The following WWOX variants were observed in gnomAD, a reference collection of about 807,000 sequenced individuals.
WWOX encodes the protein WW domain containing oxidoreductase.
Under a neutral mutation model 46.2 loss-of-function variants are expected in WWOX, and 69 were observed. That is an observed-to-expected ratio of 1.49 (90% confidence interval 1.23 to 1.82). The LOEUF is 1.82. WWOX is among the 40% of genes most tolerant of loss of function. The pLI is 0.00. For missense variants in WWOX, 919 were observed against 542.6 expected (o/e 1.69, Z -6.89); for synonymous variants, 359 against 202.6 (o/e 1.77, Z -6.56).
At position 79,211,598 on chromosome 16, in the gene WWOX, G is replaced by A. The variant is rs981471566; in HGVS notation, c.1057-10G>A. The A allele has an allele frequency of 1.9e-6, 3 of 1,614,122 alleles. No homozygotes were observed. The highest frequency in any genetic ancestry group is 1.1e-5 in the South Asian group (1 of 91,066). On this transcript the variant is annotated splice_polypyrimidine_tract_variant and intron_variant, in intron 8 of 8. Coordinates refer to ENST00000566780, the MANE Select transcript of WWOX (RefSeq NM_016373.4). ...AAAATTTTTTTTTGTCTTTCTTCTT[G>A]GATTTCCAGCAACAGGGAGCTGCCA...
chr16:79,186,557 T>TTAAC lies in WWOX; in HGVS notation c.1057-25049_1057-25046dup, dbSNP rs538030455. ...TCCAGTCTGACTGCATCTTAACTGT[T>TTAAC]TAACTCTGTATTCCAATCTAATTAC... On this transcript the variant is annotated intron_variant, in intron 8 of 8. Coordinates refer to ENST00000566780, the MANE Select transcript of WWOX (RefSeq NM_016373.4). Among the ~76,000 whole-genome samples the TTAAC allele has an allele frequency of 5.4e-4, 82 of 152,340 alleles. 1 individual carries two copies. The highest frequency in any genetic ancestry group is 1.9e-3 in the African/African-American group (81 of 41,586).
intron 8 of WWOX, among the ~76,000 whole-genome samples, chr16:78,641,359 G>A (rs1210917084): frequency 6.6e-6 from 1 of 151,994 alleles, no homozygotes; most frequent in African/African-American, 2.4e-5. Flanking sequence ...AGCCTGGAAG[G>A]ACATACCCTT....
At chr16:78,311,800 T>G (rs2080250807) in intron 5 of WWOX, among the ~76,000 whole-genome samples, 1 of 151,918 alleles carries the variant, frequency 6.6e-6, no homozygotes, top group South Asian at 2.1e-4. Flanking sequence ...CGGGGGGGTA[T>G]TCATTTTTCT....
At chr16:78,696,338 G>T (rs983901225) in intron 8 of WWOX, among the ~76,000 whole-genome samples, 2 of 152,174 alleles carry the variant, frequency 1.3e-5, no homozygotes, top group Non-Finnish European at 2.9e-5. Context: ...TGAGTACCAG[G>T]CAGGGTCCTA....
intron 5 of WWOX, among the ~76,000 whole-genome samples, chr16:78,293,471 T>C (rs945831491): frequency 6.6e-6 from 1 of 152,170 alleles, no homozygotes; most frequent in African/African-American, 2.4e-5. Context: ...CTCCTGTATG[T>C]CGTCCCTCTT....
intron 5 of WWOX, among the ~76,000 whole-genome samples, chr16:78,308,319 C>T (rs766370053): frequency 1.3e-5 from 2 of 152,038 alleles, no homozygotes; most frequent in Non-Finnish European, 2.9e-5. Context: ...AAGGGGATTC[C>T]GAAATAAACC....
intron 5 of WWOX, among the ~76,000 whole-genome samples, chr16:78,221,707 T>A (rs2151798402): frequency 6.6e-6 from 1 of 152,340 alleles, no homozygotes; most frequent in East Asian, 1.9e-4. Flanking sequence ...AAATGCAAGA[T>A]GTAATACACA....
intron 8 of WWOX, among the ~76,000 whole-genome samples, chr16:78,447,403 G>T (rs528234980): frequency 6.6e-6 from 1 of 152,320 alleles, no homozygotes; most frequent in Admixed American, 6.5e-5. Context: ...TAAGAAAATT[G>T]TCTTCCTTTT....
chr16:78,677,849 A>G (rs993074880), intron 8 of WWOX, among the ~76,000 whole-genome samples: 1 of 152,176 alleles, frequency 6.6e-6, no homozygotes, highest in Non-Finnish European at 1.5e-5. Context: ...TGAGTACAGA[A>G]CCAAACATTT....
At chr16:78,166,567 A>AT (rs34115194) in intron 5 of WWOX, 19,424 of 143,608 alleles carry the variant, frequency 0.14, 1,516 homozygotes, top group East Asian at 0.23. Flanking sequence ...TTTCTTTTTT[A>AT]TTTTTTTTTT....
At chr16:78,647,392 C>T (rs2046868641) in intron 8 of WWOX, among the ~76,000 whole-genome samples, 1 of 152,132 alleles carries the variant, frequency 6.6e-6, no homozygotes, top group African/African-American at 2.4e-5. Context: ...GTTCTCATTG[C>T]TTCTGTGGGT....
chr16:78,333,501 G>A (rs1567507521), intron 5 of WWOX, among the ~76,000 whole-genome samples: 1 of 152,234 alleles, frequency 6.6e-6, no homozygotes, highest in Non-Finnish European at 1.5e-5. Flanking sequence ...TATTTTGACA[G>A]AATTTAAGAT....
chr16:78,570,212 A>G (rs1167364657), intron 8 of WWOX, among the ~76,000 whole-genome samples: 3 of 152,206 alleles, frequency 2.0e-5, no homozygotes, highest in Non-Finnish European at 2.9e-5. Flanking sequence ...GAAATAAAGA[A>G]TGCTAGACTA....
intron 8 of WWOX, among the ~76,000 whole-genome samples, chr16:78,592,355 C>G (rs2045371811): frequency 1.3e-5 from 2 of 152,194 alleles, no homozygotes; most frequent in Admixed American, 1.3e-4. Flanking sequence ...CAAGCAGTCA[C>G]TTAATGATAT....
chr16:78,275,430 A>G (rs2079559670), intron 5 of WWOX, among the ~76,000 whole-genome samples: 1 of 152,166 alleles, frequency 6.6e-6, no homozygotes, highest in East Asian at 1.9e-4. Flanking sequence ...CGCTTTCCAA[A>G]TTGACATTAC....
At chr16:78,710,016 C>A (rs2142320011) in intron 8 of WWOX, among the ~76,000 whole-genome samples, 1 of 152,254 alleles carries the variant, frequency 6.6e-6, no homozygotes, top group East Asian at 1.9e-4. Flanking sequence ...CAGGCGTCAG[C>A]CACCGCCCCC....
At chr16:78,548,174 A>C (rs200758100) in intron 8 of WWOX, among the ~76,000 whole-genome samples, 2 of 58,622 alleles carry the variant, frequency 3.4e-5, no homozygotes, top group Non-Finnish European at 4.6e-5. Context: ...AAAAAAAAAA[A>C]AAAATTACGA....
intron 4 of WWOX, among the ~76,000 whole-genome samples, chr16:78,139,040 G>A (rs959818002): frequency 5.9e-5 from 9 of 152,012 alleles, no homozygotes; most frequent in African/African-American, 1.9e-4. Flanking sequence ...CAATCAGACC[G>A]TATCTAGAAT....
intron 4 of WWOX, among the ~76,000 whole-genome samples, chr16:78,136,810 T>C (rs2033806650): frequency 6.6e-6 from 1 of 152,128 alleles, no homozygotes; most frequent in South Asian, 2.1e-4. Context: ...AAGCTGATAC[T>C]GGAGAATATG....
Sources: allele counts gnomAD v4.1 joint callset (sites outside exome capture counted in the v4.1 genomes callset), GRCh38; gene constraint gnomAD v4.1.1; transcripts MANE v1.5; gene names NCBI Gene and HGNC (gene_info 2026-07-23, HGNC 2026-07-21).